GAREM1: variants seen among roughly 807,000 people sequenced by gnomAD.
GAREM1 encodes GRB2 associated regulator of MAPK1 subtype 1.
GAREM1 carries 26 observed loss-of-function variants against 71.3 expected under a neutral mutation model. The ratio of observed to expected loss-of-function variants is 0.36; its 90% CI spans 0.27 to 0.51. The LOEUF (loss-of-function observed/expected upper bound fraction) is 0.51, where lower values mean the gene tolerates loss of function less well. Among genes scored for constraint, GAREM1 ranks in the 20% least tolerant of loss-of-function variants. GAREM1 has a pLI of 0.95. For missense variants in GAREM1, 1,026 were observed against 1,103.1 expected, an observed-to-expected ratio of 0.93 and a Z score of 0.99; for synonymous variants, 440 against 433.2, an observed-to-expected ratio of 1.02 and a Z score of -0.20.
intron 3 of GAREM1, among the ~76,000 whole-genome samples, chr18:32,302,751 G>A (rs531300523): frequency 2.0e-5 from 3 of 152,274 alleles, no homozygotes; most frequent in Admixed American, 2.0e-4. Flanking sequence ...CACGTTCCAG[G>A]TAGAATGGGG....
chr18:32,332,387 A>AG, intron 2 of GAREM1, among the ~76,000 whole-genome samples: 2 of 152,154 alleles, frequency 1.3e-5, no homozygotes, highest in Non-Finnish European at 2.9e-5. Flanking sequence ...CCCCATGCTC[A>AG]CATGGGGGGG....
At chr18:32,401,496 A>G (rs2048315499) in intron 1 of GAREM1, among the ~76,000 whole-genome samples, 1 of 152,168 alleles carries the variant, frequency 6.6e-6, no homozygotes, top group African/African-American at 2.4e-5. Context: ...TCAGCAGAGG[A>G]GATCAAGAAA....
At chr18:32,315,988 T>G (rs1285088719) in intron 2 of GAREM1, among the ~76,000 whole-genome samples, 1 of 152,228 alleles carries the variant, frequency 6.6e-6, no homozygotes, top group Admixed American at 6.5e-5. Context: ...GTCTGTGATC[T>G]TGTACTATCA....
At chr18:32,359,665 T>TA (rs35276864) in intron 2 of GAREM1, among the ~76,000 whole-genome samples, 128 of 151,546 alleles carry the variant, frequency 8.4e-4, no homozygotes, top group African/African-American at 2.6e-3. Flanking sequence ...TTCTCTTTTA[T>TA]AAAAAAAAAG....
intron 1 of GAREM1, among the ~76,000 whole-genome samples, chr18:32,425,108 T>C (rs2048562339): frequency 6.6e-6 from 1 of 152,222 alleles, no homozygotes; most frequent in Admixed American, 6.5e-5. Flanking sequence ...GTTGGGCATA[T>C]GTTAATTTGT....
chr18:32,339,855 T>C lies in GAREM1; in HGVS notation c.263-29532A>G, dbSNP rs367608153. 9.8e-5 allele frequency among the ~76,000 whole-genome samples: 15 copies of C among 152,352 alleles called. No homozygotes were observed. In the East Asian group the frequency reaches 2.1e-3, roughly 22 times the overall value. ...ACTCCACACATAGTACCATTAGTCCTTCCATCCGAATGTTTCCTGAAGCTG... is the reference window on the plus strand; with the variant it reads ...ACTCCACACATAGTACCATTAGTCCCTCCATCCGAATGTTTCCTGAAGCTG... On this transcript the variant is annotated intron_variant, in intron 2 of 5. Transcript: ENST00000269209.
chr18:32,369,121 T>C (rs996504766), intron 2 of GAREM1, among the ~76,000 whole-genome samples: 1 of 152,192 alleles, frequency 6.6e-6, no homozygotes, highest in Non-Finnish European at 1.5e-5. Context: ...CAAGTGCATG[T>C]TATCAGAGAC....
intron 1 of GAREM1, among the ~76,000 whole-genome samples, chr18:32,401,285 C>T (rs2144671439): frequency 6.6e-6 from 1 of 151,910 alleles, no homozygotes; most frequent in East Asian, 1.9e-4. Flanking sequence ...TGTAACAAAC[C>T]TGCACATTGT....
At position 32,309,679 on chromosome 18, in the gene GAREM1, T is replaced by C. The variant is rs187093833; in HGVS notation, c.393+514A>G. Among the ~76,000 whole-genome samples, 8 of 130,670 alleles carry C rather than the reference T, an allele frequency of 6.1e-5. No individual in the cohort carries two copies. The East Asian group carries it at 1.8e-3, about 30-fold the overall frequency. 85.7% of individuals were successfully genotyped at this position (130,670 alleles called of 152,430 possible). A position where few individuals can be genotyped will look rare whatever the true frequency, so the allele number is the denominator to read the frequency against. On this transcript the variant is annotated intron_variant, in intron 3 of 5. Coordinates refer to ENST00000269209, the MANE Select transcript of GAREM1 (RefSeq NM_001242409.2). ...CAAATAGAGCACAACAAACACTATA[T>C]AGCTTTTCTCTGGGCAATATCAGTT...
chr18:32,340,545 C>G (rs927565230), intron 2 of GAREM1, among the ~76,000 whole-genome samples: 1 of 152,164 alleles, frequency 6.6e-6, no homozygotes, highest in African/African-American at 2.4e-5. Context: ...CAGAGACTTG[C>G]AGGCAACAAT....
At chr18:32,450,673 C>G (rs1003271419) in intron 1 of GAREM1, among the ~76,000 whole-genome samples, 5 of 152,178 alleles carry the variant, frequency 3.3e-5, no homozygotes, top group Non-Finnish European at 7.3e-5. Flanking sequence ...CACAAATTAT[C>G]TTGCTGCTTT....
chr18:32,272,861 GATCCACCCTCCTTAGCC>G (rs2041482678), intron 4 of GAREM1, among the ~76,000 whole-genome samples: 1 of 152,206 alleles, frequency 6.6e-6, no homozygotes, highest in Non-Finnish European at 1.5e-5. Flanking sequence ...GACCTCAGGT[GATCCACCCTCCTTAGCC>G]AGGCGGGTCT....
At chr18:32,395,469 A>G (rs1355815385) in intron 1 of GAREM1, among the ~76,000 whole-genome samples, 2 of 152,254 alleles carry the variant, frequency 1.3e-5, no homozygotes. Flanking sequence ...GTAATGGGTA[A>G]GAAGATCAGG....
At chr18:32,439,605 G>A (rs1375361489) in intron 1 of GAREM1, among the ~76,000 whole-genome samples, 2 of 151,250 alleles carry the variant, frequency 1.3e-5, no homozygotes, top group South Asian at 2.1e-4. Flanking sequence ...GAAAACACCT[G>A]AAATGCTTTG....
At position 32,287,501 on chromosome 18, in the gene GAREM1, T is replaced by C; in HGVS notation, c.1096A>G (p.Asn366Asp). The C allele has an allele frequency of 5.0e-6, 8 of 1,614,200 alleles. No individual in the cohort carries two copies. The highest frequency in any genetic ancestry group is 6.8e-6 in the Non-Finnish European group (8 of 1,180,028). ...SPKKGRCSGH[N>D]HVPNSLSYAR... ...TAGCTGAGCGAATTGGGCACGTGGT[T>C]GTGGCCAGAGCACCGACCCTTCTTG... Residue 366 changes from asparagine (N) to aspartate (D), a missense_variant, in exon 4 of 6, where the codon AAC (asparagine) becomes GAC (aspartate). Physicochemically the swap from Asn to Asp is conservative, Grantham distance 23. Transcript: ENST00000269209. This position sits in a 1 kb window ranked among gnomAD's most constrained non-coding sequence, Gnocchi z 5.9.
At position 32,314,822 on chromosome 18, in the gene GAREM1, C is replaced by T. The variant is rs184077693; in HGVS notation, c.263-4499G>A. Reference sequence around the variant, plus strand: ...CAGGCTGGTCTCAAACTCCTGACCTCGTGATCCACCTGCCTCAGCCTCCCA... The same window carrying T: ...CAGGCTGGTCTCAAACTCCTGACCTTGTGATCCACCTGCCTCAGCCTCCCA... On this transcript the variant is annotated intron_variant, in intron 2 of 5. Coordinates refer to ENST00000269209, the MANE Select transcript of GAREM1 (RefSeq NM_001242409.2). Among the ~76,000 whole-genome samples the T allele has an allele frequency of 6.2e-4, 94 of 151,954 alleles. 2 individuals carry two copies. The East Asian group carries it at 0.017, about 28-fold the overall frequency.
At chr18:32,364,518 T>C (rs1038506495) in intron 2 of GAREM1, among the ~76,000 whole-genome samples, 1 of 152,140 alleles carries the variant, frequency 6.6e-6, no homozygotes, top group African/African-American at 2.4e-5. Context: ...GCAAGAACTA[T>C]ATTTATTGAT....
chr18:32,401,436 T>C (rs2048314869), intron 1 of GAREM1, among the ~76,000 whole-genome samples: 1 of 149,236 alleles, frequency 6.7e-6, no homozygotes, highest in Non-Finnish European at 1.5e-5. Context: ...ATGTTCCAGA[T>C]AATGGTCTTA....
At chr18:32,335,161 T>C (rs1325665484) in intron 2 of GAREM1, among the ~76,000 whole-genome samples, 1 of 152,252 alleles carries the variant, frequency 6.6e-6, no homozygotes, top group Non-Finnish European at 1.5e-5. Context: ...CTACAGCCTC[T>C]AATCTTTTAT....
Sources: gnomAD v4.1 joint callset for allele counts (sites outside exome capture counted in the v4.1 genomes callset) on GRCh38, gnomAD v4.1.1 for gene constraint, Gnocchi (gnomAD v3.1) non-coding constraint, MANE v1.5 for transcripts, NCBI Gene and HGNC (gene_info 2026-07-23, HGNC 2026-07-21) for gene names.